Variants in FADS6 observed in about 807,000 individuals in gnomAD.
FADS6 encodes the protein fatty acid desaturase domain family, member 6.
FADS6 carries 28 observed loss-of-function variants against 31.7 expected under a neutral mutation model. The ratio of observed to expected loss-of-function variants is 0.88; its 90% confidence interval spans 0.66 to 1.21. The LOEUF is 1.21. Ranked by LOEUF, FADS6 falls within the 50% of genes most tolerant of loss-of-function variation. The pLI is 0.00. For synonymous variants in FADS6, 191 were observed against 213.1 expected (o/e 0.90, Z 0.90); for missense variants, 494 against 504.2 (o/e 0.98, Z 0.19).
intron 2 of FADS6, among the ~76,000 whole-genome samples, chr17:74,890,340 T>C (rs562638072): frequency 7.2e-5 from 11 of 152,296 alleles, no homozygotes; most frequent in African/African-American, 2.6e-4. Context: ...CTGGGGAGAC[T>C]GGTCTGCCCC....
At chr17:74,888,148 A>ACGCGCG (rs1430653886) in intron 2 of FADS6, among the ~76,000 whole-genome samples, 15 of 122,840 alleles carry the variant, frequency 1.2e-4, no homozygotes, top group African/African-American at 5.8e-4. Flanking sequence ...ACACACACAC[A>ACGCGCG]CACACACGCG....
At chr17:74,876,240 T>C (rs2038507000), downstream of FADS6, among the ~76,000 whole-genome samples, 1 of 152,140 alleles carries the variant, frequency 6.6e-6, no homozygotes, top group South Asian at 2.1e-4. Context: ...TCCCCCAGGC[T>C]CCCATTTGCC....
chr17:74,885,491 C>A (rs1479679090), intron 2 of FADS6, among the ~76,000 whole-genome samples: 1 of 152,104 alleles, frequency 6.6e-6, no homozygotes, highest in African/African-American at 2.4e-5. Context: ...TGGGAGCCAG[C>A]AAGAGTCTGG....
At chr17:74,890,255 C>T (rs1385551601) in intron 2 of FADS6, among the ~76,000 whole-genome samples, 3 of 152,122 alleles carry the variant, frequency 2.0e-5, no homozygotes, top group Admixed American at 6.5e-5. Flanking sequence ...CCACTGTCCT[C>T]GCCGCCACCC....
intron 2 of FADS6, among the ~76,000 whole-genome samples, chr17:74,884,778 G>A (rs981562302): frequency 6.6e-6 from 1 of 151,932 alleles, no homozygotes; most frequent in Non-Finnish European, 1.5e-5. Flanking sequence ...TGCGATCTCG[G>A]CTCACTGCAA....
In FADS6 at chr17:74,892,667, C is replaced by T; in HGVS notation, c.267G>A (p.Glu89=). Residue 89 remains glutamate (E), a synonymous_variant, in exon 2 of 6, where the codon GAG becomes GAA. Transcript: ENST00000612771. ...TGCCGGATGCAAAGACCAGGGCATT[C>T]TCCCAGCGCAGGCACAGGAAGCCTG... ...LPAGFLCLRW[E]NALVFASGIT... The T allele has an allele frequency of 6.2e-7, 1 of 1,612,786 alleles. No homozygotes were observed. The highest frequency in any genetic ancestry group is 8.5e-7 in the Non-Finnish European group (1 of 1,179,422).
intron 2 of FADS6, among the ~76,000 whole-genome samples, chr17:74,886,746 C>T (rs968699812): frequency 6.6e-6 from 1 of 152,158 alleles, no homozygotes; most frequent in Admixed American, 6.5e-5. Context: ...TTCCCCTCTC[C>T]AGGGTCCCCA....
intron 1 of FADS6, 55 bp from the exon 2 acceptor site, chr17:74,892,744 C>T (rs1219058467): frequency 5.9e-6 from 9 of 1,517,666 alleles, no homozygotes; most frequent in Admixed American, 2.0e-5. Flanking sequence ...GTGATCTGGG[C>T]CCAAATACCT....
chr17:74,887,522 G>A (rs1201708489), intron 2 of FADS6, among the ~76,000 whole-genome samples: 2 of 152,182 alleles, frequency 1.3e-5, no homozygotes, highest in African/African-American at 2.4e-5. Context: ...ACCAGCTGGC[G>A]TGGCATTGCA....
chr17:74,887,185 T>C (rs1321490761), intron 2 of FADS6, among the ~76,000 whole-genome samples: 1 of 150,852 alleles, frequency 6.6e-6, no homozygotes, highest in Non-Finnish European at 1.5e-5. Context: ...CAAGCAATCC[T>C]CCTGCCTCAG....
intron 2 of FADS6, among the ~76,000 whole-genome samples, chr17:74,889,566 A>C (rs1425626208): frequency 6.6e-6 from 1 of 151,070 alleles, no homozygotes; most frequent in Non-Finnish European, 1.5e-5. Context: ...ACAAACAAAC[A>C]AACCAAAAAA....
In FADS6 at chr17:74,879,834, T is replaced by C. The variant is rs529888862; in HGVS notation, c.781-251A>G. On this transcript the variant is annotated intron_variant, in intron 4 of 5. Coordinates refer to ENST00000612771, the MANE Select transcript of FADS6 (RefSeq NM_178128.6). ...TAGCCTGCACACCTCTCAGGTCCCA[T>C]GGTTCCCTAATGCTCTCAACTGCCT... Among the ~76,000 whole-genome samples, 4 of 152,284 alleles carry C rather than the reference T, an allele frequency of 2.6e-5. No homozygotes were observed. The East Asian group carries it at 5.8e-4, about 22-fold the overall frequency.
At chr17:74,890,061 T>A (rs1284309754) in intron 2 of FADS6, among the ~76,000 whole-genome samples, 1 of 152,106 alleles carries the variant, frequency 6.6e-6, no homozygotes, top group African/African-American at 2.4e-5. Context: ...GGTCGTGTTA[T>A]TTCTCCTGTT....
At chr17:74,888,146 A>ACGCGCG (rs1178449874) in intron 2 of FADS6, among the ~76,000 whole-genome samples, 8 of 113,596 alleles carry the variant, frequency 7.0e-5, no homozygotes, top group African/African-American at 1.6e-4. Flanking sequence ...ACACACACAC[A>ACGCGCG]CACACACACG....
intron 2 of FADS6, among the ~76,000 whole-genome samples, chr17:74,888,743 A>G (rs1436237448): frequency 6.6e-6 from 1 of 152,178 alleles, no homozygotes; most frequent in African/African-American, 2.4e-5. Context: ...CCTCCCACTC[A>G]GGGGAGCATC....
chr17:74,890,647 T>A (rs2038679671), intron 2 of FADS6, among the ~76,000 whole-genome samples: 1 of 152,012 alleles, frequency 6.6e-6, no homozygotes, highest in African/African-American at 2.4e-5. Context: ...CTCAAGTCTG[T>A]GCCAGGAGCT....
At chr17:74,880,254 C>T (rs1343354575) in intron 4 of FADS6, among the ~76,000 whole-genome samples, 3 of 152,202 alleles carry the variant, frequency 2.0e-5, no homozygotes, top group East Asian at 1.9e-4. Flanking sequence ...CCATCTTTCT[C>T]GGGGCAGGCA....
chr17:74,892,873 C>A (rs1209563528), intron 1 of FADS6, among the ~76,000 whole-genome samples, 184 bp from the exon 2 acceptor site: 1 of 152,182 alleles, frequency 6.6e-6, no homozygotes, highest in Non-Finnish European at 1.5e-5. Flanking sequence ...TCCAGCGGTC[C>A]TGACTCTCCC....
rs1598554909 is a variant in FADS6, at chr17:74,881,162, A to G, written c.686T>C (p.Val229Ala). Reference sequence around the variant, plus strand: ...TGAGCTGGGGTTCTTGAAGCCTGACACGTTCAGGAGCAGCCAGTAGTGAGA... The same window carrying G: ...TGAGCTGGGGTTCTTGAAGCCTGACGCGTTCAGGAGCAGCCAGTAGTGAGA... Reference protein sequence around the residue: ...LYSHYWLLLNVSGFKNPSSAL... With the variant: ...LYSHYWLLLNASGFKNPSSAL... Residue 229 changes from valine to alanine, a missense_variant, in exon 4 of 6, where the codon GTG (valine) becomes GCG (alanine). By Grantham distance (64) the Val-to-Ala change is moderately conservative (BLOSUM62 0). Transcript: ENST00000612771. 1 of 1,613,094 alleles carries G rather than the reference A, an allele frequency of 6.2e-7. No individual in the cohort carries two copies. The highest frequency in any genetic ancestry group is 2.2e-5 in the East Asian group (1 of 44,848).
Sources: allele counts gnomAD v4.1 joint callset (sites outside exome capture counted in the v4.1 genomes callset), GRCh38; gene constraint gnomAD v4.1.1; transcripts MANE v1.5; gene names NCBI Gene and HGNC (gene_info 2026-07-23, HGNC 2026-07-21).